The following COL19A1 variants were observed in gnomAD, a reference collection of about 807,000 sequenced individuals.
COL19A1 encodes collagen type XIX alpha 1 chain.
In COL19A1, 159 loss-of-function variants were observed where a neutral mutation model predicts 190.2. The ratio of observed to expected loss-of-function variants is 0.84; its 90% CI spans 0.73 to 0.95. The LOEUF (loss-of-function observed/expected upper bound fraction) is 0.95, where lower values mean the gene tolerates loss of function less well. Ranked by LOEUF, COL19A1 falls within the 40% of genes least tolerant of loss-of-function variation. The pLI, the probability that COL19A1 is intolerant of heterozygous loss-of-function variation, is 0.00. For synonymous variants in COL19A1, 509 were observed against 458.9 expected (o/e 1.11, Z -1.39); for missense variants, 1,418 against 1,431.9 (o/e 0.99, Z 0.16).
At chr6:69,977,284 A>G (rs1562052686) in intron 11 of COL19A1, among the ~76,000 whole-genome samples, 1 of 151,984 alleles carries the variant, frequency 6.6e-6, no homozygotes, top group Non-Finnish European at 1.5e-5. Context: ...GAAGCTGGAA[A>G]CCATCATTCT....
At chr6:70,022,665 T>TTAA in intron 11 of COL19A1, among the ~76,000 whole-genome samples, 1 of 152,206 alleles carries the variant, frequency 6.6e-6, no homozygotes, top group East Asian at 1.9e-4. Context: ...ATTTGTAACT[T>TTAA]TAATAGAAAT....
At chr6:70,129,462 T>C (rs1785390953) in intron 17 of COL19A1, among the ~76,000 whole-genome samples, 1 of 152,214 alleles carries the variant, frequency 6.6e-6, no homozygotes, top group Non-Finnish European at 1.5e-5. Context: ...AGAGGATTTA[T>C]AGAGGAAACA....
At chr6:70,068,575 G>T in intron 15 of COL19A1, 99 bp downstream of exon 15, 1 of 676,628 alleles carries the variant, frequency 1.5e-6, no homozygotes, top group Non-Finnish European at 2.6e-6. Flanking sequence ...AAGCAGATGG[G>T]CATATGGAGA....
At chr6:69,941,690 CTT>C (rs534792473) in intron 9 of COL19A1, among the ~76,000 whole-genome samples, 30 of 130,480 alleles carry the variant, frequency 2.3e-4, no homozygotes, top group Non-Finnish European at 2.3e-4. Flanking sequence ...GTGCTAGTTG[CTT>C]TTTTTTTTTT....
rs1771892517 is a variant in COL19A1 at position 69,921,481 on chromosome 6, T to TATATATCATATATATTC, written c.267-6422_267-6421insCATATATATTCATATAT. ...TATATCATATATATTCATATATTCATATATATTCATATATATTCATATATA... is the reference window on the plus strand; with the variant it reads ...TATATCATATATATTCATATATTCATATATATCATATATATTCATATATTCATATATATTCATATATA... On this transcript the variant is annotated intron_variant, in intron 4 of 50. Transcript: ENST00000620364. 6.7e-4 allele frequency among the ~76,000 whole-genome samples: 58 copies of TATATATCATATATATTC among 86,370 alleles called. 4 individuals carry two copies. Among genetic ancestry groups the TATATATCATATATATTC allele is most frequent in the African/African-American group, 2.3e-3 (38 of 16,684 alleles). 56.7% of individuals were successfully genotyped at this position (86,370 alleles called of 152,430 possible).
chr6:70,022,898 A>C (rs1006769761), intron 11 of COL19A1, among the ~76,000 whole-genome samples: 1 of 152,112 alleles, frequency 6.6e-6, no homozygotes, highest in Non-Finnish European at 1.5e-5. Flanking sequence ...ATTACACTCT[A>C]CATTTAGTGC....
chr6:69,934,983 A>AG (rs1773007163), intron 7 of COL19A1, among the ~76,000 whole-genome samples: 1 of 152,008 alleles, frequency 6.6e-6, no homozygotes. Context: ...GGAATTTCAA[A>AG]TCACACATGT....
At chr6:70,104,876 C>T (rs1783857914) in intron 16 of COL19A1, among the ~76,000 whole-genome samples, 1 of 152,076 alleles carries the variant, frequency 6.6e-6, no homozygotes, top group Middle Eastern at 3.2e-3. Context: ...GAGGATTACA[C>T]CGAATTCTGG....
At chr6:70,118,924 G>A (rs1447903732) in intron 16 of COL19A1, among the ~76,000 whole-genome samples, 1 of 152,138 alleles carries the variant, frequency 6.6e-6, no homozygotes, top group Non-Finnish European at 1.5e-5. Context: ...GATCCTGCAT[G>A]AGAAGTATAT....
At chr6:69,927,781 T>C in intron 4 of COL19A1, 128 bp from the exon 5 acceptor site, 1 of 1,209,800 alleles carries the variant, frequency 8.3e-7, no homozygotes, top group South Asian at 1.7e-5. Flanking sequence ...AAGAGAAAAG[T>C]GCATAAGTTA....
chr6:70,090,966 C>A (rs1782892148), intron 15 of COL19A1, among the ~76,000 whole-genome samples: 1 of 152,160 alleles, frequency 6.6e-6, no homozygotes, highest in Non-Finnish European at 1.5e-5. Flanking sequence ...CTTTCTCAGA[C>A]CTTGCATGAT....
chr6:69,871,452 G>A (rs1047871308), intron 1 of COL19A1, among the ~76,000 whole-genome samples: 3 of 152,086 alleles, frequency 2.0e-5, no homozygotes, highest in Non-Finnish European at 2.9e-5. Context: ...TATAATAAAT[G>A]CTCTGAAAAC....
intron 11 of COL19A1, among the ~76,000 whole-genome samples, chr6:69,964,475 A>G (rs888104002): frequency 1.3e-5 from 2 of 152,214 alleles, no homozygotes; most frequent in African/African-American, 2.4e-5. Context: ...AAGCCTGAAC[A>G]GATATATTCT....
At chr6:70,193,793 C>T (rs1239539451) in intron 48 of COL19A1, among the ~76,000 whole-genome samples, 1 of 152,140 alleles carries the variant, frequency 6.6e-6, no homozygotes, top group African/African-American at 2.4e-5. Context: ...GTTAATTTGT[C>T]CCAAGATCAT....
chr6:70,027,493 A>G (rs1484747401), intron 12 of COL19A1, among the ~76,000 whole-genome samples: 1 of 152,120 alleles, frequency 6.6e-6, no homozygotes, highest in Non-Finnish European at 1.5e-5. Flanking sequence ...TCTAAATGCC[A>G]GTAGCAGCCC....
chr6:69,978,253 A>C (rs548511853), intron 11 of COL19A1, among the ~76,000 whole-genome samples: 1 of 152,312 alleles, frequency 6.6e-6, no homozygotes, highest in Non-Finnish European at 1.5e-5. Flanking sequence ...ACATACATAT[A>C]TAGAGAGAGA....
intron 48 of COL19A1, among the ~76,000 whole-genome samples, chr6:70,192,794 G>A (rs1423457230): frequency 6.6e-6 from 1 of 152,222 alleles, no homozygotes; most frequent in Non-Finnish European, 1.5e-5. Context: ...AGGTAGCCCG[G>A]ACATGCTAGT....
intron 41 of COL19A1, among the ~76,000 whole-genome samples, chr6:70,175,403 C>A (rs916145515): frequency 3.5e-4 from 53 of 151,914 alleles, no homozygotes; most frequent in African/African-American, 1.3e-3. Context: ...CTAATATATT[C>A]TTTGAGCTCT....
At chr6:69,869,734 T>C (rs190703328) in intron 1 of COL19A1, among the ~76,000 whole-genome samples, 2 of 152,264 alleles carry the variant, frequency 1.3e-5, no homozygotes, top group South Asian at 2.1e-4. Flanking sequence ...ACCGGAAAAG[T>C]TGATGGAAAC....
Sources: allele counts gnomAD v4.1 joint callset (sites outside exome capture counted in the v4.1 genomes callset), GRCh38; gene constraint gnomAD v4.1.1; transcripts MANE v1.5; gene names NCBI Gene and HGNC (gene_info 2026-07-23, HGNC 2026-07-21).